The following NRG1 variants were observed in gnomAD, a reference collection of about 807,000 sequenced individuals.
The protein encoded by NRG1 is neuregulin 1, also known as pro-neuregulin-1, membrane-bound isoform.
In NRG1, 18 loss-of-function variants were observed where a neutral mutation model predicts 63.8. That is an observed-to-expected ratio of 0.28 (90% CI 0.19 to 0.42). NRG1 has a LOEUF of 0.42. Ranked by LOEUF, NRG1 falls within the 10% of genes least tolerant of loss-of-function variation. The pLI is 1.00. For missense variants in NRG1, 762 were observed against 814.7 expected (o/e 0.94, Z 0.79); for synonymous variants, 302 against 301.3 (o/e 1.00, Z -0.02).
At chr8:32,142,404 G>A (rs923618327) in intron 1 of NRG1, among the ~76,000 whole-genome samples, 4 of 152,296 alleles carry the variant, frequency 2.6e-5, no homozygotes, top group African/African-American at 9.6e-5. Context: ...TCCCTGAAGA[G>A]CATGACAGAG....
At chr8:32,141,582 A>C (rs1379539853) in intron 1 of NRG1, among the ~76,000 whole-genome samples, 3 of 99,970 alleles carry the variant, frequency 3.0e-5, no homozygotes, top group Admixed American at 1.3e-4. Flanking sequence ...TACATATCCT[A>C]TGTGTGTGGG....
At chr8:32,196,404 G>A (rs949110057) in intron 1 of NRG1, among the ~76,000 whole-genome samples, 10 of 152,276 alleles carry the variant, frequency 6.6e-5, no homozygotes, top group Non-Finnish European at 1.2e-4. Context: ...AGTCAGGGAA[G>A]GCTTTCTGAT....
chr8:32,052,502 A>C (rs1822153883), intron 1 of NRG1, among the ~76,000 whole-genome samples: 2 of 151,902 alleles, frequency 1.3e-5, no homozygotes. Flanking sequence ...GACTGGTCTC[A>C]AACTCCTGGC....
intron 1 of NRG1, among the ~76,000 whole-genome samples, chr8:32,201,290 A>C (rs1323870644): frequency 6.6e-6 from 1 of 152,170 alleles, no homozygotes; most frequent in Non-Finnish European, 1.5e-5. Context: ...ATGGAATGGA[A>C]GTGTGAGGTC....
chr8:31,987,320 A>G (rs327373), intron 1 of NRG1, among the ~76,000 whole-genome samples: 5,833 of 125,746 alleles, frequency 0.046, 378 homozygotes, highest in African/African-American at 0.13. Context: ...AAACATATAT[A>G]TGTGTGTGTG....
At chr8:32,454,357 T>C (rs1821337858) in intron 1 of NRG1, among the ~76,000 whole-genome samples, 1 of 152,176 alleles carries the variant, frequency 6.6e-6, no homozygotes, top group Non-Finnish European at 1.5e-5. Flanking sequence ...TATAATAGGA[T>C]TGAGAACCAC....
At chr8:32,367,085 G>C (rs1808161955) in intron 1 of NRG1, among the ~76,000 whole-genome samples, 1 of 152,108 alleles carries the variant, frequency 6.6e-6, no homozygotes, top group South Asian at 2.1e-4. Context: ...TGTGAATAGT[G>C]CTGCAGTAAA....
chr8:31,903,599 C>T (rs1307547211), intron 1 of NRG1, among the ~76,000 whole-genome samples: 1 of 152,072 alleles, frequency 6.6e-6, no homozygotes, highest in Non-Finnish European at 1.5e-5. Context: ...TAGACAATAA[C>T]AAGATAATAT....
chr8:31,856,546 C>G (rs1827893286), intron 1 of NRG1, among the ~76,000 whole-genome samples: 1 of 152,136 alleles, frequency 6.6e-6, no homozygotes, highest in Non-Finnish European at 1.5e-5. Flanking sequence ...AACTTCTTTG[C>G]CTTTGATTTG....
chr8:32,494,235 T>C (rs1292718516), intron 1 of NRG1, among the ~76,000 whole-genome samples: 2 of 152,228 alleles, frequency 1.3e-5, no homozygotes, highest in African/African-American at 2.4e-5. Flanking sequence ...ACATGTTTAT[T>C]GTAGAACATT....
At chr8:32,270,808 T>G (rs1851462987) in intron 1 of NRG1, among the ~76,000 whole-genome samples, 1 of 152,154 alleles carries the variant, frequency 6.6e-6, no homozygotes, top group African/African-American at 2.4e-5. Context: ...AAACTAGAAA[T>G]CAAGTAACAC....
intron 8 of NRG1, among the ~76,000 whole-genome samples, chr8:32,754,856 C>G (rs1482656643): frequency 6.6e-6 from 1 of 152,104 alleles, no homozygotes; most frequent in Admixed American, 6.6e-5. Context: ...CCAAAAGAAA[C>G]TAACTTGCAC....
intron 1 of NRG1, among the ~76,000 whole-genome samples, chr8:32,407,680 G>A (rs902641331): frequency 1.3e-5 from 2 of 152,044 alleles, no homozygotes; most frequent in African/African-American, 2.4e-5. Flanking sequence ...GTCCAACACT[G>A]CCATACACAG....
intron 7 of NRG1, among the ~76,000 whole-genome samples, chr8:32,743,591 T>TATATATATATATATATATATAAA (rs1564087671): frequency 6.9e-6 from 1 of 145,734 alleles, no homozygotes; most frequent in African/African-American, 2.5e-5. Context: ...TATATATATA[T>TATATATATATATATATATATAAA]ATATAAAACT....
downstream of NRG1, among the ~76,000 whole-genome samples, chr8:32,769,388 T>C (rs1456341904): frequency 6.6e-6 from 1 of 152,168 alleles, no homozygotes; most frequent in African/African-American, 2.4e-5. Context: ...AACCATGTTC[T>C]CTCTTGATTT....
chr8:31,868,365 G>A (rs1180744665), intron 1 of NRG1, among the ~76,000 whole-genome samples: 2 of 152,126 alleles, frequency 1.3e-5, no homozygotes, highest in Non-Finnish European at 2.9e-5. Context: ...GGAAGTGCTG[G>A]TGTAACTACC....
intron 1 of NRG1, among the ~76,000 whole-genome samples, chr8:31,688,365 G>A (rs945130387): frequency 1.3e-5 from 2 of 152,122 alleles, no homozygotes; most frequent in Admixed American, 6.5e-5. Flanking sequence ...CATGCGAAAC[G>A]CAGTGAGAAG....
At chr8:32,424,571 G>C (rs546764815) in intron 1 of NRG1, among the ~76,000 whole-genome samples, 2 of 152,232 alleles carry the variant, frequency 1.3e-5, no homozygotes, top group East Asian at 3.9e-4. Context: ...ACTAGTTTTA[G>C]AATCTTGGGC....
At chr8:32,326,735 T>G (rs1163430657) in intron 1 of NRG1, among the ~76,000 whole-genome samples, 1 of 152,082 alleles carries the variant, frequency 6.6e-6, no homozygotes, top group Non-Finnish European at 1.5e-5. Context: ...AAAACTGAAT[T>G]TTTAAAAAAA....
Sources: allele counts gnomAD v4.1 joint callset (sites outside exome capture counted in the v4.1 genomes callset), GRCh38; gene constraint gnomAD v4.1.1; transcripts MANE v1.5; gene names NCBI Gene and HGNC (gene_info 2026-07-23, HGNC 2026-07-21).